Variants in EFEMP1 observed in about 807,000 individuals in gnomAD.
The protein encoded by EFEMP1 is EGF-like fibulin extracellular matrix protein 1, also known as EGF-containing fibulin-like extracellular matrix protein 1.
In EFEMP1, 18 loss-of-function variants were observed where a neutral mutation model predicts 65.7. The observed-to-expected ratio is 0.27, with a 90% CI of 0.19 to 0.41. The LOEUF (loss-of-function observed/expected upper bound fraction) is 0.41, where lower values mean the gene tolerates loss of function less well. EFEMP1 is among the 10% of genes least tolerant of loss of function. The pLI is 1.00. For missense variants in EFEMP1, 469 were observed against 624.8 expected (o/e 0.75, Z 2.66); for synonymous variants, 237 against 219.7 (o/e 1.08, Z -0.70).
rs768754967 is a variant in EFEMP1 at position 55,877,695 on chromosome 2, T to C, written c.760+51A>G. On this transcript the variant is annotated intron_variant, in intron 7 of 11. Coordinates refer to ENST00000355426, the MANE Select transcript of EFEMP1 (RefSeq NM_001039348.3). This position sits in a 1 kb window ranked among gnomAD's most constrained non-coding sequence, Gnocchi z 4.5. The stretch of plus-strand genomic sequence containing the variant: ...AAACTGGAAATACTGCAACATGGCA[T>C]GGGGTTTCCTTTTGTGAAGACAGAA... The C allele has an allele frequency of 3.1e-6, 5 of 1,611,022 alleles. No homozygotes were observed. In the South Asian group the frequency reaches 4.4e-5, roughly 14 times the overall value.
Position 55,919,762 on chromosome 2 carries a change from C to G in EFEMP1, c.82-1495G>C, listed in dbSNP as rs1361792395. ...AGCGAGAACTAAATTCACTTTGTCT[C>G]TCAGACTAATTTTTTTCTTGTTTCC... On this transcript the variant is annotated intron_variant, in intron 3 of 11. Coordinates refer to ENST00000355426, the MANE Select transcript of EFEMP1 (RefSeq NM_001039348.3). This position sits in a 1 kb window ranked among gnomAD's most constrained non-coding sequence, Gnocchi z 4.5. 2.6e-5 allele frequency among the ~76,000 whole-genome samples: 4 copies of G among 152,184 alleles called. No homozygotes were observed. The highest frequency in any genetic ancestry group is 9.7e-5 in the African/African-American group (4 of 41,436).
intron 5 of EFEMP1, among the ~76,000 whole-genome samples, chr2:55,891,876 G>C (rs563123487): frequency 3.9e-5 from 6 of 152,122 alleles, no homozygotes; most frequent in African/African-American, 1.4e-4. Context: ...CTGACTTCCT[G>C]GTTTTGTTCC....
rs540382437 is a variant in EFEMP1 at position 55,881,832 on chromosome 2, T to A, written c.518-98A>T. On this transcript the variant is annotated intron_variant, in intron 5 of 11. Transcript: ENST00000355426. The stretch of plus-strand genomic sequence containing the variant: ...CTTAAGCTAAATTTTTACTTTATTC[T>A]TAAAAGTTTATAATGTTCTTGCATT... 9.2e-6 allele frequency: 13 copies of A among 1,412,366 alleles called. No homozygotes were observed. In the East Asian group the frequency reaches 2.7e-4, roughly 30 times the overall value. The allele number at this position is 1,412,366 out of a possible 1,614,324, so 87.5% of individuals were successfully genotyped here.
Position 55,923,428 on chromosome 2 carries a change from C to G in EFEMP1, c.-49+283G>C, listed in dbSNP as rs1262582631. On this transcript the variant is annotated intron_variant, in intron 1 of 11. Coordinates refer to ENST00000355426, the MANE Select transcript of EFEMP1 (RefSeq NM_001039348.3). This position sits in a 1 kb window ranked among gnomAD's most constrained non-coding sequence, Gnocchi z 5.3. ...GGCTTAAATCTCGCACACTGGTCCCCTAAACTTTCAAAACCACGTTTATGG... is the reference window on the plus strand; with the variant it reads ...GGCTTAAATCTCGCACACTGGTCCCGTAAACTTTCAAAACCACGTTTATGG... 6.6e-6 allele frequency among the ~76,000 whole-genome samples: 1 copy of G among 152,190 alleles called. No homozygotes were observed. The highest frequency in any genetic ancestry group is 1.5e-5 in the Non-Finnish European group (1 of 68,032).
At chr2:55,889,854 T>C (rs1025344731) in intron 5 of EFEMP1, among the ~76,000 whole-genome samples, 1 of 147,108 alleles carries the variant, frequency 6.8e-6, no homozygotes, top group African/African-American at 2.5e-5. Flanking sequence ...ACAAAGCTAA[T>C]AGAGGGGAAA....
intron 6 of EFEMP1, among the ~76,000 whole-genome samples, chr2:55,880,631 T>C (rs890810523): frequency 2.6e-5 from 4 of 152,222 alleles, no homozygotes; most frequent in African/African-American, 7.2e-5. Context: ...CTGACGCTGG[T>C]TGTCTGTCCC....
chr2:55,902,036 C>T (rs12611917), intron 5 of EFEMP1, among the ~76,000 whole-genome samples: 34,798 of 152,122 alleles, frequency 0.23, 4,298 homozygotes, highest in East Asian at 0.55. Flanking sequence ...CTTTTCCAGT[C>T]GAGCTTTGAA....
Position 55,870,631 on chromosome 2 carries a change from A to G in EFEMP1, c.1320+89T>C. The G allele has an allele frequency of 6.6e-7, 1 of 1,522,928 alleles. No individual in the cohort carries two copies. The highest frequency in any genetic ancestry group is 9.1e-7 in the Non-Finnish European group (1 of 1,103,674). 94.3% of individuals were successfully genotyped at this position (1,522,928 alleles called of 1,614,324 possible). ...CTTTAAATGTTTGCTTTCCTTCCAC[A>G]TGTGGATACCACACAACAACAACAA... On this transcript the variant is annotated intron_variant, in intron 11 of 11. Coordinates refer to ENST00000355426, the MANE Select transcript of EFEMP1 (RefSeq NM_001039348.3). The surrounding 1 kb of genome is among the most constrained non-coding windows in gnomAD (Gnocchi z 5.8).
intron 7 of EFEMP1, 122 bp from the exon 8 acceptor site, chr2:55,876,864 T>C (rs1669058923): frequency 2.1e-6 from 1 of 469,860 alleles, no homozygotes; most frequent in African/African-American, 2.1e-5. Context: ...AAGTGAGTAA[T>C]TCCCTAGCTG....
chr2:55,894,974 C>G (rs553343548), intron 5 of EFEMP1, among the ~76,000 whole-genome samples: 4 of 152,296 alleles, frequency 2.6e-5, no homozygotes, highest in African/African-American at 9.6e-5. Flanking sequence ...TGCATTTGCC[C>G]CTGAGACCAT....
rs1408514849 is a variant in EFEMP1 at position 55,917,630 on chromosome 2, A to T, written c.517+35T>A. On this transcript the variant is annotated intron_variant, in intron 5 of 11. Coordinates refer to ENST00000355426, the MANE Select transcript of EFEMP1 (RefSeq NM_001039348.3). This position sits in a 1 kb window ranked among gnomAD's most constrained non-coding sequence, Gnocchi z 6.3. ...TCACCACGAGGTGCACTTGGGCAAA[A>T]GCTTTCAATGGTTAGGAAAATAAGT... 6.2e-7 allele frequency: 1 copy of T among 1,613,822 alleles called. No individual in the cohort carries two copies. Among genetic ancestry groups the T allele is most frequent in the East Asian group, 2.2e-5 (1 of 44,892 alleles).
chr2:55,922,269 A>G lies in EFEMP1; in HGVS notation c.81+91T>C. On this transcript the variant is annotated intron_variant, in intron 3 of 11. Coordinates refer to ENST00000355426, the MANE Select transcript of EFEMP1 (RefSeq NM_001039348.3). This position sits in a 1 kb window ranked among gnomAD's most constrained non-coding sequence, Gnocchi z 5.5. ...TAATTTATCACCCTCAGCAGAGTAT[A>G]GCCCAAATACACTGGCAGGGGTGTG... The G allele has an allele frequency of 8.6e-7, 1 of 1,161,912 alleles. No individual in the cohort carries two copies. Among genetic ancestry groups the G allele is most frequent in the Admixed American group, 1.7e-5 (1 of 58,720 alleles). 72.0% of individuals were successfully genotyped at this position (1,161,912 alleles called of 1,614,324 possible).
At position 55,922,235 on chromosome 2, in the gene EFEMP1, A is replaced by G; in HGVS notation, c.81+125T>C. On this transcript the variant is annotated intron_variant, in intron 3 of 11. Coordinates refer to ENST00000355426, the MANE Select transcript of EFEMP1 (RefSeq NM_001039348.3). The surrounding 1 kb of genome is among the most constrained non-coding windows in gnomAD (Gnocchi z 5.5). ...AATCTTAGATATGAAGCATGAATGAAGTGTTGTTTAATTTATCACCCTCAG... is the reference window on the plus strand; with the variant it reads ...AATCTTAGATATGAAGCATGAATGAGGTGTTGTTTAATTTATCACCCTCAG... The G allele has an allele frequency of 1.1e-6, 1 of 873,674 alleles. No homozygotes were observed. The highest frequency in any genetic ancestry group is 1.9e-6 in the Non-Finnish European group (1 of 527,234). The allele number at this position is 873,674 out of a possible 1,614,324, so 54.1% of individuals were successfully genotyped here.
intron 5 of EFEMP1, among the ~76,000 whole-genome samples, chr2:55,910,505 G>A (rs1670442927): frequency 6.6e-6 from 1 of 152,146 alleles, no homozygotes; most frequent in Admixed American, 6.5e-5. Context: ...CACGTGCAAA[G>A]GCAATCCTTA....
At chr2:55,906,584 A>C (rs1670286801) in intron 5 of EFEMP1, among the ~76,000 whole-genome samples, 1 of 149,548 alleles carries the variant, frequency 6.7e-6, no homozygotes, top group African/African-American at 2.5e-5. Flanking sequence ...CCCTCCCTGG[A>C]TTAAGATTCT....
intron 3 of EFEMP1, among the ~76,000 whole-genome samples, chr2:55,918,547 A>G (rs1053293567): frequency 6.6e-6 from 1 of 150,972 alleles, no homozygotes; most frequent in African/African-American, 2.4e-5. Context: ...CTGTTTTGAG[A>G]CTAATCTTCT....
At chr2:55,891,890 T>C (rs1669639484) in intron 5 of EFEMP1, among the ~76,000 whole-genome samples, 1 of 152,124 alleles carries the variant, frequency 6.6e-6, no homozygotes, top group South Asian at 2.1e-4. Flanking sequence ...TTGTTCCAAA[T>C]TGATACCATA....
chr2:55,891,239 G>T (rs923894291), intron 5 of EFEMP1, among the ~76,000 whole-genome samples: 1 of 152,108 alleles, frequency 6.6e-6, no homozygotes, highest in African/African-American at 2.4e-5. Context: ...AGGAGATAAT[G>T]AGTTTCCTAT....
In EFEMP1 at chr2:55,870,643, C is replaced by CACAACA. The variant is rs202135588; in HGVS notation, c.1320+71_1320+76dup. ...GCTTTCCTTCCACATGTGGATACCA[C>CACAACA]ACAACAACAACAACAACAACAACAA... On this transcript the variant is annotated intron_variant, in intron 11 of 11. Transcript: ENST00000355426. The surrounding 1 kb of genome is among the most constrained non-coding windows in gnomAD (Gnocchi z 5.8). 8,547 of 1,548,062 alleles carry CACAACA rather than the reference C, an allele frequency of 5.5e-3. 24 individuals carry two copies. The highest frequency in any genetic ancestry group is 0.014 in the Middle Eastern group (80 of 5,820).
Sources: gnomAD v4.1 joint callset for allele counts (sites outside exome capture counted in the v4.1 genomes callset) on GRCh38, gnomAD v4.1.1 for gene constraint, Gnocchi (gnomAD v3.1) non-coding constraint, MANE v1.5 for transcripts, NCBI Gene and HGNC (gene_info 2026-07-23, HGNC 2026-07-21) for gene names.